RBBP5: variants seen among roughly 807,000 people sequenced by gnomAD.
RBBP5 encodes the protein retinoblastoma-binding protein 5.
In RBBP5, 5 loss-of-function variants were observed where a neutral mutation model predicts 72.2. The observed-to-expected ratio is 0.07, with a 90% CI of 0.04 to 0.15. The LOEUF (loss-of-function observed/expected upper bound fraction) is 0.15. Ranked by LOEUF, RBBP5 falls within the 10% of genes least tolerant of loss-of-function variation. The pLI is 1.00. For synonymous variants in RBBP5, 209 were observed against 237.2 expected (o/e 0.88, Z 1.09); for missense variants, 322 against 652.2 (o/e 0.49, Z 5.51).
At chr1:205,088,872 G>C in intron 13 of RBBP5, 57 bp from the exon 14 acceptor site, 1 of 1,460,452 alleles carries the variant, frequency 6.8e-7, no homozygotes, top group East Asian at 2.4e-5. Flanking sequence ...CCAGTTACTT[G>C]TAAGAACAGA....
chr1:205,110,074 C>T (rs1238677562), intron 3 of RBBP5, among the ~76,000 whole-genome samples: 5 of 151,674 alleles, frequency 3.3e-5, no homozygotes, highest in Admixed American at 6.6e-5. Flanking sequence ...CTCGCTCTGT[C>T]GCCCAGGCAG....
chr1:205,099,985 T>G lies in RBBP5; in HGVS notation c.832A>C (p.Ile278Leu), dbSNP rs773184582. The change falls in exon 8 of 14, where the codon ATC (isoleucine) becomes CTC (leucine). Residue 278 changes from isoleucine to leucine, a missense_variant. This residue lies in a region of RBBP5 where 161 missense variants were observed against 327.8 expected (regional missense o/e 0.49). Coordinates refer to ENST00000264515, the MANE Select transcript of RBBP5 (RefSeq NM_005057.4). This position sits in a 1 kb window ranked among gnomAD's most constrained non-coding sequence, Gnocchi z 4.7. ...AGSARQHALY[I>L]WEKSIGNLVK... is the part of the protein sequence containing the mutation. ...AGGTTGCCAATGCTCTTCTCCCAGA[T>G]GTACAGGGCATGCTGCCGGGCAGAA... 6.2e-7 allele frequency: 1 copy of G among 1,614,096 alleles called. No homozygotes were observed. Among genetic ancestry groups the G allele is most frequent in the African/African-American group, 1.3e-5 (1 of 74,940 alleles).
At chr1:205,096,397 A>G (rs1453931489) in intron 12 of RBBP5, among the ~76,000 whole-genome samples, 1 of 152,090 alleles carries the variant, frequency 6.6e-6, no homozygotes, top group Non-Finnish European at 1.5e-5. Flanking sequence ...AAACCACTCT[A>G]CGGGGAAACA....
chr1:205,096,589 T>A, intron 12 of RBBP5, 93 bp downstream of exon 12: 1 of 1,180,060 alleles, frequency 8.5e-7, no homozygotes. Context: ...TCCTCTAAGG[T>A]GAAATCGCTC....
chr1:205,095,932 C>G (rs2102269629), intron 12 of RBBP5, among the ~76,000 whole-genome samples: 1 of 152,282 alleles, frequency 6.6e-6, no homozygotes, highest in East Asian at 1.9e-4. Flanking sequence ...GTGGTTCACG[C>G]CTGTAATCCC....
chr1:205,098,753 G>A (rs1415964074), intron 10 of RBBP5, among the ~76,000 whole-genome samples: 1 of 150,904 alleles, frequency 6.6e-6, no homozygotes, highest in Non-Finnish European at 1.5e-5. Flanking sequence ...GCTGAGGCAG[G>A]AGAATCACTT....
In RBBP5 at chr1:205,088,704, A is replaced by C; in HGVS notation, c.*83T>G. 1 of 1,422,274 alleles carries C rather than the reference A, an allele frequency of 7.0e-7. No homozygotes were observed. Among genetic ancestry groups the C allele is most frequent in the Non-Finnish European group, 9.7e-7 (1 of 1,030,144 alleles). 88.1% of individuals were successfully genotyped at this position (1,422,274 alleles called of 1,614,324 possible). ...AGGCACAGGCCTTTGTTTTAAATTA[A>C]AGTCAATTTTCAAATGACTGACCAC... On this transcript the variant is annotated 3_prime_UTR_variant, in exon 14 of 14. Transcript: ENST00000264515.
intron 13 of RBBP5, among the ~76,000 whole-genome samples, chr1:205,092,794 C>T (rs181018720): frequency 6.6e-6 from 1 of 151,932 alleles, no homozygotes; most frequent in East Asian, 1.9e-4. Context: ...GTTGCCCAGG[C>T]TGGTCTTGAA....
intron 13 of RBBP5, among the ~76,000 whole-genome samples, chr1:205,093,438 A>C (rs1363143389): frequency 1.5e-5 from 2 of 135,486 alleles, no homozygotes; most frequent in African/African-American, 5.7e-5. Flanking sequence ...CAGCCTGGGG[A>C]CAAGAGTGAA....
chr1:205,088,783 G>T lies in RBBP5; in HGVS notation c.*4C>A. 6.3e-7 allele frequency: 1 copy of T among 1,594,118 alleles called. No individual in the cohort carries two copies. Among genetic ancestry groups the T allele is most frequent in the Non-Finnish European group, 8.6e-7 (1 of 1,168,412 alleles). ...TGAGAAAGAATGAAGAACTTCGAAGGTCTTCATAACAGTTCTGAGATTGCT... is the reference window on the plus strand; with the variant it reads ...TGAGAAAGAATGAAGAACTTCGAAGTTCTTCATAACAGTTCTGAGATTGCT... On this transcript the variant is annotated 3_prime_UTR_variant, in exon 14 of 14. Transcript: ENST00000264515.
At chr1:205,108,287 T>C (rs1484915558) in intron 3 of RBBP5, among the ~76,000 whole-genome samples, 1 of 152,152 alleles carries the variant, frequency 6.6e-6, no homozygotes, top group Non-Finnish European at 1.5e-5. Flanking sequence ...TTTTGATGTT[T>C]GAAACACACA....
intron 1 of RBBP5, among the ~76,000 whole-genome samples, chr1:205,117,228 AT>A (rs1306131566): frequency 2.0e-5 from 3 of 151,636 alleles, no homozygotes; most frequent in Non-Finnish European, 4.4e-5. Flanking sequence ...CTAATTTTGT[AT>A]TTTTAGTAGA....
chr1:205,105,048 G>T lies in RBBP5; in HGVS notation c.339C>A (p.Val113=). The T allele has an allele frequency of 6.2e-7, 1 of 1,614,038 alleles. No homozygotes were observed. Among genetic ancestry groups the T allele is most frequent in the Non-Finnish European group, 8.5e-7 (1 of 1,179,996 alleles). ...CATACTGATCTCGTGGATGATATTG[G>T]ACTTTTAAGATGGGTGAAGGGAATC... ...RFRFPSPILK[V]QYHPRDQNKV... is the part of the protein sequence containing the mutation. The change falls in exon 4 of 14, where the codon GTC becomes GTA. Residue 113 remains valine, a synonymous_variant. Coordinates refer to ENST00000264515, the MANE Select transcript of RBBP5 (RefSeq NM_005057.4).
intron 1 of RBBP5, among the ~76,000 whole-genome samples, chr1:205,118,264 T>C (rs1252550213): frequency 2.0e-5 from 3 of 152,094 alleles, no homozygotes; most frequent in South Asian, 2.1e-4. Flanking sequence ...TAAGACGCAA[T>C]CCACCATAAA....
chr1:205,109,840 C>A (rs948076692), intron 3 of RBBP5, among the ~76,000 whole-genome samples: 2 of 152,128 alleles, frequency 1.3e-5, no homozygotes, highest in Non-Finnish European at 1.5e-5. Context: ...TGGCCCCCAT[C>A]CAGTGCTTGA....
At chr1:205,116,117 G>C (rs1656510364) in intron 1 of RBBP5, 1 of 714,304 alleles carries the variant, frequency 1.4e-6, no homozygotes. Flanking sequence ...CTGGGATATT[G>C]AAACAGAGTG....
chr1:205,105,277 T>C, intron 3 of RBBP5, 109 bp from the exon 4 acceptor site: 2 of 1,324,230 alleles, frequency 1.5e-6, no homozygotes, highest in Admixed American at 2.1e-5. Context: ...AGGTCAACAA[T>C]GTTTTTGGTT....
At chr1:205,108,274 G>A (rs1558578721) in intron 3 of RBBP5, among the ~76,000 whole-genome samples, 1 of 151,922 alleles carries the variant, frequency 6.6e-6, no homozygotes, top group Non-Finnish European at 1.5e-5. Flanking sequence ...TTCTCTTCTT[G>A]AGTTTTGATG....
intron 3 of RBBP5, among the ~76,000 whole-genome samples, chr1:205,111,925 T>C (rs925962425): frequency 1.3e-5 from 2 of 152,098 alleles, no homozygotes; most frequent in African/African-American, 2.4e-5. Flanking sequence ...TAGTTCCCCA[T>C]TGTACCATAC....
Sources: gnomAD v4.1 joint callset for allele counts (sites outside exome capture counted in the v4.1 genomes callset) on GRCh38, gnomAD v4.1.1 for gene constraint, gnomAD v4.1.1 regional missense constraint, Gnocchi (gnomAD v3.1) non-coding constraint, MANE v1.5 for transcripts, NCBI Gene and HGNC (gene_info 2026-07-23, HGNC 2026-07-21) for gene names.